The following ZNF287 variants were observed in gnomAD, a reference collection of about 807,000 sequenced individuals.
ZNF287 encodes the protein zinc finger protein 287.
Under a neutral mutation model 73.7 loss-of-function variants are expected in ZNF287, and 31 were observed. The observed-to-expected ratio is 0.42, with a 90% CI of 0.32 to 0.57. The LOEUF (loss-of-function observed/expected upper bound fraction) is 0.57. ZNF287 is among the 20% of genes least tolerant of loss of function. The pLI is 0.13. For missense variants in ZNF287, 641 were observed against 909.3 expected (o/e 0.70, Z 3.79); for synonymous variants, 301 against 307.2 (o/e 0.98, Z 0.21).
At chr17:16,560,961 C>G (rs1907415357) in intron 5 of ZNF287, among the ~76,000 whole-genome samples, 1 of 151,066 alleles carries the variant, frequency 6.6e-6, no homozygotes, top group African/African-American at 2.4e-5. Context: ...CAAGGTCCCC[C>G]CACTGCACTC....
intron 2 of ZNF287, 29 bp from the exon 3 acceptor site, chr17:16,566,651 G>C: frequency 1.3e-6 from 2 of 1,549,078 alleles, no homozygotes; most frequent in Non-Finnish European, 1.8e-6. Flanking sequence ...TCATGAGGGA[G>C]ATTAGTCCTT....
intron 5 of ZNF287, among the ~76,000 whole-genome samples, chr17:16,560,731 T>C (rs965339833): frequency 2.1e-4 from 32 of 150,392 alleles, no homozygotes; most frequent in African/African-American, 3.4e-4. Context: ...TGGCTGGGCG[T>C]GGTGGCTCAC....
chr17:16,569,196 G>C lies in ZNF287; in HGVS notation c.-443C>G, dbSNP rs1907938637. The C allele has an allele frequency of 6.6e-6, 1 of 152,478 alleles. No individual in the cohort carries two copies. The highest frequency in any genetic ancestry group is 1.5e-5 in the Non-Finnish European group (1 of 68,264). 9.4% of individuals were successfully genotyped at this position (152,478 alleles called of 1,614,324 possible). A position where few individuals can be genotyped will look rare whatever the true frequency, so the allele number is the denominator to read the frequency against. On this transcript the variant is annotated 5_prime_UTR_variant, in exon 1 of 6. Transcript: ENST00000395825. ...CTCTGCTTAGCCGCGACCTCGCCTC[G>C]GCGTCACTGCGCATGTGCGCCAGAG...
At position 16,550,361 on chromosome 17, in the gene ZNF287, T is replaced by G. The variant is rs1906565671; in HGVS notation, c.*1495A>C. On this transcript the variant is annotated 3_prime_UTR_variant, in exon 6 of 6. Transcript: ENST00000395825. Reference sequence around the variant, plus strand: ...GCTGAATTCTTTTTTATTTAGCCACTCTCATTTCATAGGCAAAGCAAGTCC... The same window carrying G: ...GCTGAATTCTTTTTTATTTAGCCACGCTCATTTCATAGGCAAAGCAAGTCC... Among the ~76,000 whole-genome samples, 1 of 152,230 alleles carries G rather than the reference T, an allele frequency of 6.6e-6. No individual in the cohort carries two copies. The highest frequency in any genetic ancestry group is 2.4e-5 in the African/African-American group (1 of 41,464).
At chr17:16,563,986 C>T (rs1907599543) in intron 3 of ZNF287, among the ~76,000 whole-genome samples, 161 bp from the exon 4 acceptor site, 1 of 152,188 alleles carries the variant, frequency 6.6e-6, no homozygotes, top group African/African-American at 2.4e-5. Flanking sequence ...ATATGGACAG[C>T]CCTACAGCAT....
intron 5 of ZNF287, among the ~76,000 whole-genome samples, chr17:16,556,852 T>C (rs1907107758): frequency 6.9e-6 from 1 of 144,444 alleles, no homozygotes; most frequent in African/African-American, 2.5e-5. Flanking sequence ...ATAAAAGCAC[T>C]TTTTTTTTTT....
At position 16,547,468 on chromosome 17, in the gene ZNF287, C is replaced by T. The variant is rs1906336664; in HGVS notation, c.*4388G>A. ...CATACATAACATGGAAGTGTTCTCT[C>T]CAATTTAGGTGCATGCTTAACAAGA... is the stretch of plus-strand genomic sequence containing the variant. On this transcript the variant is annotated 3_prime_UTR_variant, in exon 6 of 6. Transcript: ENST00000395825. Among the ~76,000 whole-genome samples, 2 of 152,286 alleles carry T rather than the reference C, an allele frequency of 1.3e-5. No homozygotes were observed. The highest frequency in any genetic ancestry group is 6.5e-5 in the Admixed American group (1 of 15,296).
chr17:16,559,962 C>T (rs1484343744), intron 5 of ZNF287, among the ~76,000 whole-genome samples: 1 of 151,268 alleles, frequency 6.6e-6, no homozygotes, highest in Non-Finnish European at 1.5e-5. Flanking sequence ...ATATATTTTT[C>T]TTTTTTCTGA....
At position 16,564,505 on chromosome 17, in the gene ZNF287, G is replaced by A. The variant is rs149290786; in HGVS notation, c.502-680C>T. Among the ~76,000 whole-genome samples the A allele has an allele frequency of 5.8e-3, 890 of 152,224 alleles. 11 individuals are homozygous for A. Among genetic ancestry groups the A allele is most frequent in the African/African-American group, 0.02 (845 of 41,520 alleles). On this transcript the variant is annotated intron_variant, in intron 3 of 5. Transcript: ENST00000395825. Reference sequence around the variant, plus strand: ...GAGTGATCCACCAGGCCTGACTTGAGTTTTAAATTTTAAACACAGATGACA... The same window carrying A: ...GAGTGATCCACCAGGCCTGACTTGAATTTTAAATTTTAAACACAGATGACA...
intron 5 of ZNF287, among the ~76,000 whole-genome samples, chr17:16,560,611 G>GTGC (rs1447239342): frequency 6.6e-6 from 1 of 151,872 alleles, no homozygotes; most frequent in East Asian, 1.9e-4. Context: ...GCCTCCCAAA[G>GTGC]TGCTGGGATT....
chr17:16,568,319 G>A (rs150025252), intron 1 of ZNF287, among the ~76,000 whole-genome samples: 75 of 152,194 alleles, frequency 4.9e-4, no homozygotes, highest in African/African-American at 1.7e-3. Flanking sequence ...AAGAAACTAG[G>A]AGAATTTCTT....
Position 16,567,942 on chromosome 17 carries a change from C to G in ZNF287, c.-198-13G>C. ...TGGATAAGAGACCCTGAAACACAAG[C>G]ATGGACCACAAGGTCAAGAATCCCT... is the stretch of plus-strand genomic sequence containing the variant. On this transcript the variant is annotated splice_polypyrimidine_tract_variant and intron_variant, in intron 1 of 5. Coordinates refer to ENST00000395825, the MANE Select transcript of ZNF287 (RefSeq NM_020653.4). 1 of 1,410,334 alleles carries G rather than the reference C, an allele frequency of 7.1e-7. No homozygotes were observed. Among genetic ancestry groups the G allele is most frequent in the Non-Finnish European group, 9.2e-7 (1 of 1,087,044 alleles). 87.4% of individuals were successfully genotyped at this position (1,410,334 alleles called of 1,614,324 possible). A position where few individuals can be genotyped will look rare whatever the true frequency, so the allele number is the denominator to read the frequency against.
At position 16,550,344 on chromosome 17, in the gene ZNF287, CTTTT is replaced by C. The variant is rs1906563756; in HGVS notation, c.*1508_*1511del. 6.6e-6 allele frequency among the ~76,000 whole-genome samples: 1 copy of C among 152,064 alleles called. No homozygotes were observed. Among genetic ancestry groups the C allele is most frequent in the African/African-American group, 2.4e-5 (1 of 41,406 alleles). On this transcript the variant is annotated 3_prime_UTR_variant, in exon 6 of 6. Transcript: ENST00000395825. ...TTTCTTCTAATAACCAGGCTGAATT[CTTTT>C]TTATTTAGCCACTCTCATTTCATAG...
At chr17:16,562,572 A>G (rs922870185) in intron 5 of ZNF287, among the ~76,000 whole-genome samples, 1 of 152,160 alleles carries the variant, frequency 6.6e-6, no homozygotes, top group African/African-American at 2.4e-5. Flanking sequence ...CAGCGGTCAC[A>G]TGCTGGGGAG....
chr17:16,553,799 A>G (rs1417322898), intron 5 of ZNF287, among the ~76,000 whole-genome samples: 2 of 152,224 alleles, frequency 1.3e-5, no homozygotes, highest in East Asian at 1.9e-4. Context: ...CTCTCTTCCA[A>G]TCTGCTCCAC....
At position 16,551,834 on chromosome 17, in the gene ZNF287, G is replaced by T; in HGVS notation, c.*22C>A. 2 of 1,547,042 alleles carry T rather than the reference G, an allele frequency of 1.3e-6. No individual in the cohort carries two copies. The highest frequency in any genetic ancestry group is 2.5e-5 in the South Asian group (2 of 79,460). On this transcript the variant is annotated 3_prime_UTR_variant, in exon 6 of 6. Coordinates refer to ENST00000395825, the MANE Select transcript of ZNF287 (RefSeq NM_020653.4). ...AAAATTGAAACAAAGTTGTAAAACCGAATTGAAGTTTCCCTTATCCATTAA... is the reference window on the plus strand; with the variant it reads ...AAAATTGAAACAAAGTTGTAAAACCTAATTGAAGTTTCCCTTATCCATTAA...
At chr17:16,560,324 A>G (rs561374622) in intron 5 of ZNF287, among the ~76,000 whole-genome samples, 1 of 144,424 alleles carries the variant, frequency 6.9e-6, no homozygotes, top group Admixed American at 7.0e-5. Flanking sequence ...ATATATATAT[A>G]TATATATATG....
At position 16,566,612 on chromosome 17, in the gene ZNF287, G is replaced by T. The variant is rs772248911; in HGVS notation, c.414C>A (p.Asn138Lys). 1 of 1,611,890 alleles carries T rather than the reference G, an allele frequency of 6.2e-7. No individual in the cohort carries two copies. Among genetic ancestry groups the T allele is most frequent in the South Asian group, 1.1e-5 (1 of 90,616 alleles). The stretch of plus-strand genomic sequence containing the variant: ...CTGGGGTATCTTGGGAAAGGGTAGA[G>T]TTTTGAGGAGCTAGAGAAGAGAAAG... ...TQILEEEAPQ[N>K]STLSQDTPEE... The change falls in exon 3 of 6, where the codon AAC becomes AAA. Residue 138 changes from asparagine (N) to lysine (K), a missense_variant. Coordinates refer to ENST00000395825, the MANE Select transcript of ZNF287 (RefSeq NM_020653.4).
chr17:16,552,823 G>A lies in ZNF287; in HGVS notation c.1319C>T (p.Thr440Ile). 1 of 1,614,146 alleles carries A rather than the reference G, an allele frequency of 6.2e-7. No individual in the cohort carries two copies. The highest frequency in any genetic ancestry group is 2.2e-5 in the East Asian group (1 of 44,882). ...TCCAGTATGAATTCTCTGATGTATA[G>A]TAAGGTGTGCACGCTGGCTGAAGGC... ...GKAFSQRAHL[T>I]IHQRIHTGEK... Residue 440 changes from threonine (T) to isoleucine (I), a missense_variant, in exon 6 of 6, where the codon ACT becomes ATT. Transcript: ENST00000395825. The surrounding 1 kb of genome is among the most constrained non-coding windows in gnomAD (Gnocchi z 6.5).
Sources: gnomAD v4.1 joint callset for allele counts (sites outside exome capture counted in the v4.1 genomes callset) on GRCh38, gnomAD v4.1.1 for gene constraint, Gnocchi (gnomAD v3.1) non-coding constraint, MANE v1.5 for transcripts, NCBI Gene and HGNC (gene_info 2026-07-23, HGNC 2026-07-21) for gene names.